Variants in USP48 observed in about 807,000 individuals in gnomAD.
USP48 encodes the protein ubiquitin specific peptidase 48.
A neutral mutation model predicts 150.7 loss-of-function variants in USP48; 43 were observed. The observed-to-expected ratio is 0.29, with a 90% CI of 0.22 to 0.37. The LOEUF (loss-of-function observed/expected upper bound fraction) is 0.37. Ranked by LOEUF, USP48 falls within the 10% of genes least tolerant of loss-of-function variation. The probability of loss-of-function intolerance (pLI) is 1.00; values close to 1 mark genes in which losing one functional copy is unlikely to be tolerated. For synonymous variants in USP48, 396 were observed against 425.9 expected (o/e 0.93, Z 0.86); for missense variants, 813 against 1,249.6 (o/e 0.65, Z 5.27).
chr1:21,770,142 T>C (rs1372830339), intron 1 of USP48, among the ~76,000 whole-genome samples: 1 of 149,300 alleles, frequency 6.7e-6, no homozygotes, highest in Non-Finnish European at 1.5e-5. Flanking sequence ...GGGCAACATA[T>C]TGAGACCTCG....
chr1:21,728,763 C>T, intron 10 of USP48, 44 bp from the exon 11 acceptor site: 1 of 1,602,052 alleles, frequency 6.2e-7, no homozygotes, highest in Non-Finnish European at 8.5e-7. Context: ...TTCTTGTTTT[C>T]ACATATAGTG....
chr1:21,683,035 C>T (rs533341119), intron 25 of USP48, among the ~76,000 whole-genome samples: 2 of 152,230 alleles, frequency 1.3e-5, no homozygotes, highest in Admixed American at 1.3e-4. Flanking sequence ...CCGAGATGGG[C>T]AGATCACCTG....
At chr1:21,722,665 T>C (rs2097724712) in intron 12 of USP48, among the ~76,000 whole-genome samples, 1 of 151,862 alleles carries the variant, frequency 6.6e-6, no homozygotes, top group Non-Finnish European at 1.5e-5. Flanking sequence ...GGCAACATGA[T>C]GAAACACCAT....
chr1:21,731,761 C>G (rs942201056), intron 9 of USP48, among the ~76,000 whole-genome samples: 1 of 151,918 alleles, frequency 6.6e-6, no homozygotes, highest in Non-Finnish European at 1.5e-5. Flanking sequence ...CCCAGCTACT[C>G]AGGAGGCTGA....
At chr1:21,711,744 A>G (rs2097690721) in intron 15 of USP48, among the ~76,000 whole-genome samples, 1 of 152,188 alleles carries the variant, frequency 6.6e-6, no homozygotes, top group Non-Finnish European at 1.5e-5. Flanking sequence ...CCTGGCTTCC[A>G]CAGAGTGCCT....
At chr1:21,737,899 AT>A (rs1013378740) in intron 8 of USP48, among the ~76,000 whole-genome samples, 123 of 145,244 alleles carry the variant, frequency 8.5e-4, no homozygotes, top group Middle Eastern at 3.6e-3. Flanking sequence ...ATCTTTGACA[AT>A]TTTTTTTTTT....
At chr1:21,689,865 C>A in intron 24 of USP48, 109 bp downstream of exon 24, 1 of 1,443,926 alleles carries the variant, frequency 6.9e-7, no homozygotes, top group South Asian at 1.4e-5. Context: ...TTATCACTAC[C>A]CTCTGCTAAA....
chr1:21,700,701 G>A (rs1266250625), intron 22 of USP48, among the ~76,000 whole-genome samples: 3 of 152,194 alleles, frequency 2.0e-5, no homozygotes, highest in Non-Finnish European at 4.4e-5. Flanking sequence ...ATCCTCCAAT[G>A]TGGGGGTCTG....
chr1:21,779,191 T>C (rs568475600), intron 1 of USP48, among the ~76,000 whole-genome samples: 13 of 152,144 alleles, frequency 8.5e-5, no homozygotes, highest in African/African-American at 2.7e-4. Context: ...TGAGCCATGA[T>C]TGCACTGCAA....
Position 21,695,149 on chromosome 1 carries a change from G to A in USP48, c.2800C>T (p.Arg934Ter). Residue 934 changes from arginine (R) to a stop codon, truncating the protein, a stop_gained, in exon 23 of 27, where the codon CGA (arginine) becomes TGA (stop). Transcript: ENST00000308271. LOFTEE classifies it high-confidence loss of function. ...CGAACTTTTCTATGTCGCATACTTCGGCGAATAACTTGCTTTTGATAGGCT... is the reference window on the plus strand; with the variant it reads ...CGAACTTTTCTATGTCGCATACTTCAGCGAATAACTTGCTTTTGATAGGCT... Reference protein sequence around the residue: ...YIAYQKQVIRRSMRHRKVRGE... With the variant: ...YIAYQKQVIR 6.2e-7 allele frequency: 1 copy of A among 1,613,414 alleles called. No homozygotes were observed. Among genetic ancestry groups the A allele is most frequent in the Non-Finnish European group, 8.5e-7 (1 of 1,179,808 alleles).
intron 1 of USP48, among the ~76,000 whole-genome samples, chr1:21,758,494 T>C (rs1032496735): frequency 8.5e-5 from 13 of 152,154 alleles, no homozygotes; most frequent in Non-Finnish European, 1.9e-4. Context: ...CCGGACACAG[T>C]GGCTCACACC....
chr1:21,733,346 G>A (rs186556684), intron 9 of USP48, among the ~76,000 whole-genome samples: 5 of 152,238 alleles, frequency 3.3e-5, no homozygotes, highest in African/African-American at 4.8e-5. Context: ...GAACCTGGGA[G>A]GTGGAAGTTG....
At chr1:21,731,710 G>C (rs1025372317) in intron 9 of USP48, among the ~76,000 whole-genome samples, 1 of 151,874 alleles carries the variant, frequency 6.6e-6, no homozygotes, top group African/African-American at 2.4e-5. Context: ...GTAAAAGCCC[G>C]TATCTACTAA....
intron 3 of USP48, 144 bp downstream of exon 3, chr1:21,756,402 G>T: frequency 2.1e-6 from 2 of 972,848 alleles, no homozygotes; most frequent in Non-Finnish European, 3.0e-6. Context: ...AATCGCTTCA[G>T]CCCAGGAGGC....
chr1:21,767,213 C>CT (rs2097864311), intron 1 of USP48, among the ~76,000 whole-genome samples: 1 of 152,192 alleles, frequency 6.6e-6, no homozygotes, highest in South Asian at 2.1e-4. Context: ...CCACACCCGG[C>CT]TTTTTTGTAT....
chr1:21,748,061 T>G, intron 7 of USP48, 77 bp downstream of exon 7: 1 of 1,357,772 alleles, frequency 7.4e-7, no homozygotes, highest in Non-Finnish European at 9.6e-7. Flanking sequence ...ACAACCATTT[T>G]ATCATCTCAT....
At chr1:21,730,749 A>G (rs2152557119) in intron 9 of USP48, among the ~76,000 whole-genome samples, 1 of 151,412 alleles carries the variant, frequency 6.6e-6, no homozygotes, top group African/African-American at 2.4e-5. Flanking sequence ...CTTCAACTCT[A>G]CTGGAAATAT....
At chr1:21,727,953 A>C in intron 11 of USP48, 6 of 984,926 alleles carry the variant, frequency 6.1e-6, no homozygotes, top group Non-Finnish European at 7.2e-6. Context: ...GACAAAGATA[A>C]CTTAATACAA....
chr1:21,697,201 C>T (rs2097636605), intron 22 of USP48, among the ~76,000 whole-genome samples: 1 of 151,982 alleles, frequency 6.6e-6, no homozygotes, highest in East Asian at 1.9e-4. Flanking sequence ...TTCAGGGTGC[C>T]GACCACTGGC....
Sources: allele counts gnomAD v4.1 joint callset (sites outside exome capture counted in the v4.1 genomes callset), GRCh38; gene constraint gnomAD v4.1.1; transcripts MANE v1.5; gene names NCBI Gene and HGNC (gene_info 2026-07-23, HGNC 2026-07-21).